Variants in MACROD2 observed in about 807,000 individuals in gnomAD.
MACROD2 encodes the protein ADP-ribose glycohydrolase MACROD2.
Under a neutral mutation model 70.4 loss-of-function variants are expected in MACROD2, and 36 were observed. The observed-to-expected ratio is 0.51, with a 90% CI of 0.39 to 0.68. MACROD2 has a LOEUF of 0.68. Ranked by LOEUF, MACROD2 falls within the 30% of genes least tolerant of loss-of-function variation. The pLI is 0.00. For missense variants in MACROD2, 496 were observed against 538.4 expected (o/e 0.92, Z 0.78); for synonymous variants, 172 against 178.8 (o/e 0.96, Z 0.30).
chr20:14,672,390 G>A lies in MACROD2; in HGVS notation c.302-12453G>A, dbSNP rs539468372. ...TGAAAGGCCTCTTGAGACTTAGGAC[G>A]AGTACTGGCACAGAGTCACTTTTGC... On this transcript the variant is annotated intron_variant, in intron 4 of 17. Transcript: ENST00000684519. Among the ~76,000 whole-genome samples, 3 of 152,274 alleles carry A rather than the reference G, an allele frequency of 2.0e-5. No homozygotes were observed. In the East Asian group the frequency reaches 5.8e-4, roughly 29 times the overall value.
chr20:14,848,489 A>G (rs1459054827), intron 5 of MACROD2, among the ~76,000 whole-genome samples: 7 of 152,000 alleles, frequency 4.6e-5, no homozygotes, highest in African/African-American at 1.7e-4. Flanking sequence ...TAATTCTCAC[A>G]ATATCTGGAG....
rs571807091 is a variant in MACROD2, at chr20:14,781,130, A to G, written c.418+96171A>G. Among the ~76,000 whole-genome samples the G allele has an allele frequency of 5.2e-4, 79 of 152,230 alleles. 1 individual carries two copies. Among genetic ancestry groups the G allele is most frequent in the Admixed American group, 1.7e-3 (26 of 15,294 alleles). ...GACTATAATCACTTTGCTGCTCAAT[A>G]GAACACCAGAACTTATTTTTCTCAG... On this transcript the variant is annotated intron_variant, in intron 5 of 17. Transcript: ENST00000684519.
At chr20:14,786,127 C>T (rs2072368266) in intron 5 of MACROD2, among the ~76,000 whole-genome samples, 1 of 151,264 alleles carries the variant, frequency 6.6e-6, no homozygotes, top group South Asian at 2.1e-4. Context: ...GTAGTGACAG[C>T]ATGCTTTAAG....
chr20:14,161,925 C>G (rs762208672), intron 3 of MACROD2, among the ~76,000 whole-genome samples: 35 of 152,270 alleles, frequency 2.3e-4, no homozygotes, highest in East Asian at 5.8e-4. Context: ...AATCACTTTG[C>G]TATTGTGGAT....
intron 3 of MACROD2, among the ~76,000 whole-genome samples, chr20:14,117,236 C>T (rs1463599806): frequency 1.3e-5 from 2 of 152,144 alleles, no homozygotes; most frequent in African/African-American, 4.8e-5. Flanking sequence ...CTTCCAATTT[C>T]TGTTGACTCT....
At chr20:15,269,780 A>AT (rs1415936083) in intron 6 of MACROD2, among the ~76,000 whole-genome samples, 2 of 151,994 alleles carry the variant, frequency 1.3e-5, no homozygotes, top group Admixed American at 6.6e-5. Context: ...CCTTCTCAAT[A>AT]TTTTTTGTTT....
intron 6 of MACROD2, among the ~76,000 whole-genome samples, chr20:15,300,451 C>G (rs929027194): frequency 3.3e-5 from 5 of 152,134 alleles, no homozygotes; most frequent in Admixed American, 2.6e-4. Flanking sequence ...TTGGGAACCA[C>G]TGTTCTAACC....
intron 5 of MACROD2, among the ~76,000 whole-genome samples, chr20:15,020,825 A>T (rs992363606): frequency 4.6e-5 from 7 of 151,748 alleles, no homozygotes; most frequent in African/African-American, 1.7e-4. Context: ...ATAAGACACC[A>T]TTGTCATATA....
chr20:15,826,855 T>C (rs1022142195), intron 8 of MACROD2, among the ~76,000 whole-genome samples: 6 of 152,190 alleles, frequency 3.9e-5, no homozygotes, highest in African/African-American at 1.4e-4. Flanking sequence ...GTTCTCAGCA[T>C]TTTTAATAAC....
chr20:14,869,994 G>C (rs2073470049), intron 5 of MACROD2, among the ~76,000 whole-genome samples: 1 of 152,078 alleles, frequency 6.6e-6, no homozygotes, highest in Non-Finnish European at 1.5e-5. Flanking sequence ...GTGCAAGTTT[G>C]TCATATAGGT....
At chr20:14,809,750 A>C (rs1386473282) in intron 5 of MACROD2, among the ~76,000 whole-genome samples, 1 of 152,114 alleles carries the variant, frequency 6.6e-6, no homozygotes, top group Admixed American at 6.5e-5. Flanking sequence ...AATAAAGGGG[A>C]TATCACCAGT....
At chr20:14,539,339 C>T (rs2085403446) in intron 4 of MACROD2, among the ~76,000 whole-genome samples, 1 of 152,208 alleles carries the variant, frequency 6.6e-6, no homozygotes, top group South Asian at 2.1e-4. Flanking sequence ...TTTCAATAAT[C>T]ATACACAGAA....
intron 5 of MACROD2, among the ~76,000 whole-genome samples, chr20:14,846,652 GGACC>G (rs1343595942): frequency 4.6e-5 from 7 of 151,264 alleles, no homozygotes; most frequent in East Asian, 3.9e-4. Flanking sequence ...TGAGTAGCTG[GGACC>G]ACAGGCGCCC....
intron 5 of MACROD2, among the ~76,000 whole-genome samples, chr20:14,738,436 C>CA: frequency 6.6e-6 from 1 of 151,878 alleles, no homozygotes; most frequent in East Asian, 1.9e-4. Context: ...TATCTGAAAC[C>CA]AAAAAAGGTA....
chr20:15,736,457 A>G (rs1449776030), intron 8 of MACROD2, among the ~76,000 whole-genome samples: 1 of 152,204 alleles, frequency 6.6e-6, no homozygotes, highest in African/African-American at 2.4e-5. Flanking sequence ...TACAGAGAAC[A>G]TGAGATGAAA....
intron 5 of MACROD2, among the ~76,000 whole-genome samples, chr20:14,968,505 G>T (rs1396756898): frequency 6.6e-6 from 1 of 152,048 alleles, no homozygotes; most frequent in Non-Finnish European, 1.5e-5. Flanking sequence ...TGGTGTCCAG[G>T]CATCAGTTGT....
In MACROD2 at chr20:15,264,595, T is replaced by C. The variant is rs1046078617; in HGVS notation, c.540+34534T>C. On this transcript the variant is annotated intron_variant, in intron 6 of 17. Transcript: ENST00000684519. The stretch of plus-strand genomic sequence containing the variant: ...TGGCAACAAGCTATGAATGGGTGAA[T>C]GGAGGAACCACACTGCAGACAAAGG... Among the ~76,000 whole-genome samples, 9 of 152,228 alleles carry C rather than the reference T, an allele frequency of 5.9e-5. No homozygotes were observed. The East Asian group carries it at 1.7e-3, about 29-fold the overall frequency.
At chr20:15,195,873 A>G (rs2076602871) in intron 5 of MACROD2, among the ~76,000 whole-genome samples, 1 of 152,236 alleles carries the variant, frequency 6.6e-6, no homozygotes, top group African/African-American at 2.4e-5. Flanking sequence ...AATGTGGTAC[A>G]TATACACCAT....
intron 7 of MACROD2, among the ~76,000 whole-genome samples, chr20:15,467,562 T>C (rs1238091655): frequency 6.6e-6 from 1 of 152,204 alleles, no homozygotes; most frequent in Non-Finnish European, 1.5e-5. Context: ...AAATATTCTC[T>C]GTCTCTCCTC....
Sources: allele counts gnomAD v4.1 joint callset (sites outside exome capture counted in the v4.1 genomes callset), GRCh38; gene constraint gnomAD v4.1.1; transcripts MANE v1.5; gene names NCBI Gene and HGNC (gene_info 2026-07-23, HGNC 2026-07-21).